PAK5: variants seen among roughly 807,000 people sequenced by gnomAD.
PAK5 encodes the protein serine/threonine-protein kinase PAK 5.
Under a neutral mutation model 65.9 loss-of-function variants are expected in PAK5, and 16 were observed. That is an observed-to-expected ratio of 0.24 (90% CI 0.16 to 0.37). The LOEUF is 0.37. PAK5 is among the 10% of genes least tolerant of loss of function. The pLI, the probability that PAK5 is intolerant of heterozygous loss-of-function variation, is 1.00. For missense variants in PAK5, 785 were observed against 903.9 expected (o/e 0.87, Z 1.69); for synonymous variants, 371 against 354.9 (o/e 1.05, Z -0.51).
chr20:9,611,832 T>A (rs1400449950), intron 3 of PAK5, among the ~76,000 whole-genome samples: 1 of 152,198 alleles, frequency 6.6e-6, no homozygotes, highest in African/African-American at 2.4e-5. Context: ...CAGAGCTCCC[T>A]GGGAATCAGA....
intron 1 of PAK5, among the ~76,000 whole-genome samples, chr20:9,740,230 C>A (rs894968050): frequency 3.3e-5 from 5 of 152,114 alleles, no homozygotes; most frequent in Admixed American, 3.3e-4. Flanking sequence ...GCTCGCACAA[C>A]CGAAGGATTA....
chr20:9,687,671 C>CT (rs34203695), intron 2 of PAK5, among the ~76,000 whole-genome samples: 2 of 151,934 alleles, frequency 1.3e-5, no homozygotes, highest in African/African-American at 4.8e-5. Flanking sequence ...CGGCCAAACA[C>CT]TTTTTTTTGA....
At chr20:9,650,798 G>A (rs1268544335) in intron 2 of PAK5, among the ~76,000 whole-genome samples, 3 of 152,088 alleles carry the variant, frequency 2.0e-5, no homozygotes, top group Non-Finnish European at 4.4e-5. Flanking sequence ...CAATGCCTAG[G>A]GACTAGGGAA....
Position 9,694,471 on chromosome 20 carries a change from C to G in PAK5, c.-12+16815G>C, listed in dbSNP as rs76764761. 1.5e-4 allele frequency among the ~76,000 whole-genome samples: 23 copies of G among 151,908 alleles called. No individual in the cohort carries two copies. In the East Asian group the frequency reaches 4.3e-3, roughly 28 times the overall value. ...GTATACAGAAAAGGGTACAGCTTAA[C>G]GACTTTTCACAAAGGGAACACATTC... On this transcript the variant is annotated intron_variant, in intron 2 of 9. Transcript: ENST00000353224.
rs185992927 is a variant in PAK5 at position 9,568,932 on chromosome 20, C to T, written c.991-2548G>A. 2.6e-5 allele frequency among the ~76,000 whole-genome samples: 4 copies of T among 152,332 alleles called. No homozygotes were observed. In the East Asian group the frequency reaches 5.8e-4, roughly 22 times the overall value. ...CTAGCTAGAAATTGAGGCCTTCTGG[C>T]AAACAGCCATGTGAGCCATTCTGGA... On this transcript the variant is annotated intron_variant, in intron 4 of 9. Coordinates refer to ENST00000353224, the MANE Select transcript of PAK5 (RefSeq NM_177990.4).
chr20:9,758,202 G>T (rs766160408), intron 1 of PAK5, among the ~76,000 whole-genome samples: 1 of 152,156 alleles, frequency 6.6e-6, no homozygotes, highest in Non-Finnish European at 1.5e-5. Flanking sequence ...GAATAATAGT[G>T]TTGCTAAGTC....
chr20:9,802,932 A>ATATATATATATATATATATATATATG (rs1171891650), intron 1 of PAK5, among the ~76,000 whole-genome samples: 10 of 138,444 alleles, frequency 7.2e-5, no homozygotes, highest in Non-Finnish European at 1.6e-4. Flanking sequence ...ATATATATAT[A>ATATATATATATATATATATATATATG]TGAATTACTA....
At chr20:9,722,408 C>T (rs916690870) in intron 1 of PAK5, among the ~76,000 whole-genome samples, 3 of 151,790 alleles carry the variant, frequency 2.0e-5, no homozygotes, top group African/African-American at 7.3e-5. Context: ...GTCAGGAGAT[C>T]GAGACCATCC....
At chr20:9,742,051 G>A (rs1446048663) in intron 1 of PAK5, among the ~76,000 whole-genome samples, 4 of 152,092 alleles carry the variant, frequency 2.6e-5, no homozygotes, top group African/African-American at 7.2e-5. Context: ...ATTTTCTTAA[G>A]GCACAGAGCA....
intron 1 of PAK5, among the ~76,000 whole-genome samples, chr20:9,794,190 A>C: frequency 7.0e-6 from 1 of 142,788 alleles, no homozygotes; most frequent in Non-Finnish European, 1.5e-5. Context: ...GGTGGGGGCA[A>C]GGGGAGGGAG....
At chr20:9,775,934 A>T (rs751012249) in intron 1 of PAK5, among the ~76,000 whole-genome samples, 1 of 152,244 alleles carries the variant, frequency 6.6e-6, no homozygotes, top group Non-Finnish European at 1.5e-5. Flanking sequence ...TTTCTTCGAC[A>T]TGTAAATAAT....
chr20:9,767,852 C>G (rs926497), intron 1 of PAK5, among the ~76,000 whole-genome samples: 68,938 of 151,926 alleles, frequency 0.45, 16,027 homozygotes, highest in East Asian at 0.78. Context: ...TGGAATCAAC[C>G]TAGGTGCCCA....
At chr20:9,614,744 T>C (rs1262794669) in intron 3 of PAK5, among the ~76,000 whole-genome samples, 1 of 152,180 alleles carries the variant, frequency 6.6e-6, no homozygotes, top group East Asian at 1.9e-4. Context: ...CCTCCAAAAG[T>C]AAAGGAGACT....
chr20:9,596,567 C>T (rs775074568), intron 3 of PAK5, among the ~76,000 whole-genome samples: 2 of 132,912 alleles, frequency 1.5e-5, no homozygotes, highest in African/African-American at 5.7e-5. Context: ...ACCCAGGAGG[C>T]GGAGCTTGCA....
At chr20:9,678,261 A>G (rs2047601993) in intron 2 of PAK5, among the ~76,000 whole-genome samples, 1 of 152,190 alleles carries the variant, frequency 6.6e-6, no homozygotes, top group African/African-American at 2.4e-5. Context: ...GTCCATTCTC[A>G]TACTGCTAAT....
intron 3 of PAK5, among the ~76,000 whole-genome samples, chr20:9,624,422 A>G (rs1247641212): frequency 6.6e-6 from 1 of 152,082 alleles, no homozygotes; most frequent in East Asian, 1.9e-4. Context: ...GGATATGGTG[A>G]ATACCTTAGA....
chr20:9,732,640 C>G (rs2048346139), intron 1 of PAK5, among the ~76,000 whole-genome samples: 3 of 81,148 alleles, frequency 3.7e-5, no homozygotes, highest in South Asian at 7.5e-4. Flanking sequence ...ACATACATAC[C>G]CACACACTTC....
chr20:9,766,250 A>T (rs1212192096), intron 1 of PAK5, among the ~76,000 whole-genome samples: 1 of 148,370 alleles, frequency 6.7e-6, no homozygotes, highest in Non-Finnish European at 1.5e-5. Context: ...AAAAATATAT[A>T]TATATGTTCT....
intron 3 of PAK5, among the ~76,000 whole-genome samples, chr20:9,611,994 C>T (rs1399286997): frequency 6.6e-6 from 1 of 152,170 alleles, no homozygotes; most frequent in East Asian, 1.9e-4. Flanking sequence ...TCTAGGGAGC[C>T]GTCCTGAAAA....
Sources: gnomAD v4.1 joint callset for allele counts (sites outside exome capture counted in the v4.1 genomes callset) on GRCh38, gnomAD v4.1.1 for gene constraint, MANE v1.5 for transcripts, NCBI Gene and HGNC (gene_info 2026-07-23, HGNC 2026-07-21) for gene names.